TFEC: variants seen among roughly 807,000 people sequenced by gnomAD.
TFEC encodes transcription factor EC.
Under a neutral mutation model 41.6 loss-of-function variants are expected in TFEC, and 31 were observed. The ratio of observed to expected loss-of-function variants is 0.74; its 90% CI spans 0.56 to 1.01. The LOEUF (loss-of-function observed/expected upper bound fraction) is 1.01. Ranked by LOEUF, TFEC falls within the 50% of genes least tolerant of loss-of-function variation. The pLI is 0.00. For missense variants in TFEC, 402 were observed against 404.1 expected (o/e 0.99, Z 0.04); for synonymous variants, 143 against 140.6 (o/e 1.02, Z -0.12).
chr7:115,985,821 T>C (rs965245814), intron 1 of TFEC, among the ~76,000 whole-genome samples: 1 of 152,078 alleles, frequency 6.6e-6, no homozygotes, highest in African/African-American at 2.4e-5. Flanking sequence ...CCAGTGGTAA[T>C]TTTTTTAGGG....
At chr7:116,151,829 T>C (rs542342942) in intron 1 of TFEC, among the ~76,000 whole-genome samples, 5 of 152,324 alleles carry the variant, frequency 3.3e-5, no homozygotes, top group Non-Finnish European at 1.5e-5. Flanking sequence ...GAAACCTGAA[T>C]TGATTTGTTT....
chr7:116,143,030 C>T (rs1049612044), intron 1 of TFEC, among the ~76,000 whole-genome samples: 7 of 152,122 alleles, frequency 4.6e-5, no homozygotes, highest in African/African-American at 1.7e-4. Context: ...CCTGTGACTA[C>T]GTTCAGTCTC....
chr7:116,154,811 T>C (rs1320512398), intron 1 of TFEC, among the ~76,000 whole-genome samples: 2 of 152,178 alleles, frequency 1.3e-5, no homozygotes, highest in Admixed American at 1.3e-4. Flanking sequence ...GGTGCAAGAT[T>C]AGAGGGTAGT....
intron 1 of TFEC, among the ~76,000 whole-genome samples, chr7:115,985,991 A>G (rs1793838339): frequency 6.6e-6 from 1 of 152,202 alleles, no homozygotes; most frequent in Non-Finnish European, 1.5e-5. Flanking sequence ...TACAATTGGG[A>G]AATAGCTCTT....
At chr7:116,093,691 G>C (rs1797381021) in intron 3 of TFEC, among the ~76,000 whole-genome samples, 1 of 151,944 alleles carries the variant, frequency 6.6e-6, no homozygotes, top group African/African-American at 2.4e-5. Flanking sequence ...ACAAATCCCT[G>C]TCTTCTCTGC....
At chr7:115,991,247 A>G (rs1469425930) in intron 1 of TFEC, among the ~76,000 whole-genome samples, 5 of 152,362 alleles carry the variant, frequency 3.3e-5, no homozygotes, top group Non-Finnish European at 4.4e-5. Flanking sequence ...GAAAGGAACA[A>G]CTAGTACAAG....
At chr7:116,029,520 A>C (rs531080404) in intron 1 of TFEC, among the ~76,000 whole-genome samples, 1 of 152,282 alleles carries the variant, frequency 6.6e-6, no homozygotes, top group South Asian at 2.1e-4. Context: ...TAGTTAAATG[A>C]AGTTTCTTAT....
At chr7:116,083,585 G>A (rs534606734) in intron 3 of TFEC, among the ~76,000 whole-genome samples, 8 of 151,900 alleles carry the variant, frequency 5.3e-5, no homozygotes, top group Admixed American at 1.3e-4. Context: ...GTCTTTACAC[G>A]TCCTGGGTCA....
intron 3 of TFEC, among the ~76,000 whole-genome samples, chr7:116,047,278 T>C (rs1200806470): frequency 2.0e-5 from 3 of 152,134 alleles, no homozygotes; most frequent in African/African-American, 7.2e-5. Flanking sequence ...AGAGGGTACC[T>C]GGAAAATCGG....
intron 6 of TFEC, among the ~76,000 whole-genome samples, chr7:115,947,871 G>A (rs1791692161): frequency 6.6e-6 from 1 of 151,912 alleles, no homozygotes; most frequent in South Asian, 2.1e-4. Context: ...AGGAAATAGA[G>A]ACACAAAAAA....
intron 1 of TFEC, among the ~76,000 whole-genome samples, chr7:115,993,695 A>G (rs562227223): frequency 3.9e-5 from 6 of 152,326 alleles, no homozygotes; most frequent in African/African-American, 1.4e-4. Context: ...CCACTGCTCC[A>G]TGAAATAAAA....
chr7:116,116,714 T>C (rs1310814670), intron 1 of TFEC, among the ~76,000 whole-genome samples: 2 of 151,906 alleles, frequency 1.3e-5, no homozygotes, highest in African/African-American at 2.4e-5. Flanking sequence ...TAAGAGCACA[T>C]GTCCCCAAAA....
chr7:116,091,042 C>T (rs1797315269), intron 3 of TFEC, among the ~76,000 whole-genome samples: 2 of 150,076 alleles, frequency 1.3e-5, no homozygotes, highest in African/African-American at 2.5e-5. Context: ...TGCAGCAAAC[C>T]ATCATGGCAC....
chr7:116,027,717 T>C (rs993680944), intron 1 of TFEC, among the ~76,000 whole-genome samples: 4 of 152,180 alleles, frequency 2.6e-5, no homozygotes, highest in Admixed American at 2.6e-4. Flanking sequence ...AAGGGAGGTA[T>C]AAAAGAAGTC....
At chr7:116,005,495 A>G (rs1001964614) in intron 1 of TFEC, among the ~76,000 whole-genome samples, 1 of 152,168 alleles carries the variant, frequency 6.6e-6, no homozygotes, top group South Asian at 2.1e-4. Flanking sequence ...GATTTGTGGA[A>G]CTTTGAACTT....
intron 6 of TFEC, among the ~76,000 whole-genome samples, chr7:115,950,630 T>C (rs1280535920): frequency 6.6e-6 from 1 of 152,136 alleles, no homozygotes; most frequent in African/African-American, 2.4e-5. Context: ...AGACTCACTA[T>C]GAACTGAGGA....
intron 1 of TFEC, among the ~76,000 whole-genome samples, chr7:116,121,817 C>G (rs1221954744): frequency 6.6e-6 from 1 of 151,910 alleles, no homozygotes; most frequent in Non-Finnish European, 1.5e-5. Flanking sequence ...TCCTTTGATC[C>G]TTGGCTAAAA....
At chr7:116,107,672 A>G (rs1202350863) in intron 3 of TFEC, among the ~76,000 whole-genome samples, 2 of 152,186 alleles carry the variant, frequency 1.3e-5, no homozygotes, top group Admixed American at 1.3e-4. Context: ...CATCTACTTC[A>G]TACTGGGTTA....
chr7:115,938,993 T>G lies in TFEC; in HGVS notation c.*1558A>C, dbSNP rs1289318998. 6.6e-6 allele frequency: 1 copy of G among 151,978 alleles called. No individual in the cohort carries two copies. Among genetic ancestry groups the G allele is most frequent in the African/African-American group, 2.4e-5 (1 of 41,424 alleles). The allele number at this position is 151,978 out of a possible 1,614,324, so 9.4% of individuals were successfully genotyped here. On this transcript the variant is annotated 3_prime_UTR_variant, in exon 8 of 8. Transcript: ENST00000265440. ...TTTATCATTTGGTTGGTATTATTCC[T>G]TTATATGCCCTCACTTTCACTCAAT...
Sources: allele counts gnomAD v4.1 joint callset (sites outside exome capture counted in the v4.1 genomes callset), GRCh38; gene constraint gnomAD v4.1.1; transcripts MANE v1.5; gene names NCBI Gene and HGNC (gene_info 2026-07-23, HGNC 2026-07-21).